LIPK: variants seen among roughly 807,000 people sequenced by gnomAD.
The protein encoded by LIPK is lipase member K.
LIPK carries 32 observed loss-of-function variants against 48.6 expected under a neutral mutation model. That is an observed-to-expected ratio of 0.66 (90% CI 0.50 to 0.88). The LOEUF (loss-of-function observed/expected upper bound fraction) is 0.88. Among genes scored for constraint, LIPK ranks in the 40% least tolerant of loss-of-function variants. LIPK has a pLI of 0.00. For missense variants in LIPK, 507 were observed against 478.5 expected (o/e 1.06, Z -0.56); for synonymous variants, 164 against 157.4 (o/e 1.04, Z -0.32).
intron 3 of LIPK, among the ~76,000 whole-genome samples, chr10:88,730,414 C>G (rs1046740047): frequency 1.3e-5 from 2 of 152,036 alleles, no homozygotes; most frequent in Admixed American, 1.3e-4. Context: ...CTCAGCCTCC[C>G]GAGTAGCTGG....
At chr10:88,750,569 T>C (rs1842846714) in intron 9 of LIPK, among the ~76,000 whole-genome samples, 1 of 152,140 alleles carries the variant, frequency 6.6e-6, no homozygotes, top group African/African-American at 2.4e-5. Flanking sequence ...AAATATCACA[T>C]GCTCTCACTT....
intron 9 of LIPK, among the ~76,000 whole-genome samples, chr10:88,748,369 C>T (rs949143728): frequency 1.3e-5 from 2 of 152,134 alleles, no homozygotes; most frequent in East Asian, 3.8e-4. Flanking sequence ...ACATTGTGCA[C>T]ATGTATCCTG....
intron 1 of LIPK, among the ~76,000 whole-genome samples, chr10:88,711,549 T>C (rs887337214): frequency 6.6e-6 from 1 of 152,212 alleles, no homozygotes; most frequent in Non-Finnish European, 1.5e-5. Context: ...CTCGGCTCAC[T>C]GCAACCTCCA....
chr10:88,724,473 C>A, intron 1 of LIPK, 60 bp from the exon 2 acceptor site: 4 of 1,027,904 alleles, frequency 3.9e-6, no homozygotes, highest in Admixed American at 2.3e-5. Flanking sequence ...AAAGATTACA[C>A]CAAATTTCAC....
At chr10:88,720,788 T>C (rs1842209722) in intron 1 of LIPK, among the ~76,000 whole-genome samples, 1 of 151,938 alleles carries the variant, frequency 6.6e-6, no homozygotes, top group South Asian at 2.1e-4. Context: ...ACATATATAG[T>C]TGAACATATA....
At chr10:88,743,210 T>C (rs1842710216) in intron 8 of LIPK, 40 bp from the exon 9 acceptor site, 3 of 1,378,526 alleles carry the variant, frequency 2.2e-6, no homozygotes, top group Non-Finnish European at 3.0e-6. Flanking sequence ...AAATGTACAC[T>C]ATTTTCTTAT....
In LIPK at chr10:88,721,935, G is replaced by A. The variant is rs79195380; in HGVS notation, c.-11-2598G>A. On this transcript the variant is annotated intron_variant, in intron 1 of 9. Transcript: ENST00000404190. ...TACTCTCAGTGAGGAATGATGAAGT[G>A]GAATAAAATCAAACCAGTGAAGCAA... 1.5e-3 allele frequency among the ~76,000 whole-genome samples: 236 copies of A among 152,300 alleles called. 4 individuals carry two copies. The highest frequency in any genetic ancestry group is 5.0e-3 in the African/African-American group (208 of 41,558).
chr10:88,742,076 T>C (rs386101), intron 8 of LIPK, among the ~76,000 whole-genome samples: 33,436 of 152,026 alleles, frequency 0.22, 3,852 homozygotes, highest in East Asian at 0.37. Context: ...GAGCACAAAG[T>C]GGGAAGTGCC....
chr10:88,730,328 C>T lies in LIPK; in HGVS notation c.224-655C>T, dbSNP rs546465870. On this transcript the variant is annotated intron_variant, in intron 3 of 9. Coordinates refer to ENST00000404190, the MANE Select transcript of LIPK (RefSeq NM_001080518.2). ...GTTTTGAGACGGAGTCTTGCTCTGT[C>T]GCCCAGGCTGGAGTGCAGTGTGGCG... Among the ~76,000 whole-genome samples, 3 of 152,158 alleles carry T rather than the reference C, an allele frequency of 2.0e-5. No individual in the cohort carries two copies. In the South Asian group the frequency reaches 6.2e-4, roughly 32 times the overall value.
rs371740523 is a variant in LIPK at position 88,752,562 on chromosome 10, G to A, written c.1006G>A (p.Ala336Thr). ...CATTACTAAGATGGAAGTTCCAACA[G>A]CAATATGGAATGGTGGACAGGACAT... ...YNITKMEVPT[A>T]IWNGGQDIVA... Residue 336 changes from alanine (A) to threonine (T), a missense_variant, in exon 10 of 10, where the codon GCA becomes ACA. Transcript: ENST00000404190. 563 of 1,567,350 alleles carry A rather than the reference G, an allele frequency of 3.6e-4. 4 individuals are homozygous for A. In the South Asian group the frequency reaches 6.2e-3, roughly 17 times the overall value.
Position 88,732,131 on chromosome 10 carries a change from T to G in LIPK, c.423-47T>G, listed in dbSNP as rs563574504. 4.8e-4 allele frequency: 637 copies of G among 1,318,572 alleles called. 6 individuals are homozygous for G. The South Asian group carries it at 7.3e-3, about 15-fold the overall frequency. The allele number at this position is 1,318,572 out of a possible 1,614,324, so 81.7% of individuals were successfully genotyped here. Reference sequence around the variant, plus strand: ...TGAACGTGTTTAAATGTTCTAGGCCTAACAATGAGATGACTTTTCTAATTT... The same window carrying G: ...TGAACGTGTTTAAATGTTCTAGGCCGAACAATGAGATGACTTTTCTAATTT... On this transcript the variant is annotated intron_variant, in intron 4 of 9. Transcript: ENST00000404190.
chr10:88,751,462 C>T (rs961315359), intron 9 of LIPK, among the ~76,000 whole-genome samples: 6 of 152,040 alleles, frequency 3.9e-5, no homozygotes, highest in African/African-American at 9.7e-5. Flanking sequence ...CTGGCTCAAG[C>T]GATTCTCTTG....
chr10:88,725,762 C>G (rs1842325169), intron 2 of LIPK, among the ~76,000 whole-genome samples: 2 of 152,196 alleles, frequency 1.3e-5, no homozygotes, highest in Admixed American at 6.5e-5. Flanking sequence ...CCAGTAATCA[C>G]TAATTCCCCT....
At position 88,737,091 on chromosome 10, in the gene LIPK, G is replaced by T. The variant is rs533054470; in HGVS notation, c.670-544G>T. Among the ~76,000 whole-genome samples, 23 of 152,192 alleles carry T rather than the reference G, an allele frequency of 1.5e-4. No individual in the cohort carries two copies. In the East Asian group the frequency reaches 4.2e-3, roughly 28 times the overall value. On this transcript the variant is annotated intron_variant, in intron 6 of 9. Transcript: ENST00000404190. ...GCTTTTGTCATAGAATTCATTGAAG[G>T]ATTCTGGAAGGAATGGCTCAAGTCT...
At chr10:88,751,216 T>C (rs1842857705) in intron 9 of LIPK, among the ~76,000 whole-genome samples, 4 of 152,134 alleles carry the variant, frequency 2.6e-5, no homozygotes, top group African/African-American at 9.7e-5. Flanking sequence ...AAGGGAAATG[T>C]GTATTGTTAT....
At chr10:88,731,216 C>G in intron 4 of LIPK, 35 bp downstream of exon 4, 1 of 1,444,256 alleles carries the variant, frequency 6.9e-7, no homozygotes. Flanking sequence ...AAAATGTGTA[C>G]TTTCCTCATG....
At chr10:88,733,372 T>C (rs1232241546) in intron 6 of LIPK, among the ~76,000 whole-genome samples, 1 of 152,236 alleles carries the variant, frequency 6.6e-6, no homozygotes, top group East Asian at 1.9e-4. Context: ...ATAACTCCCA[T>C]GGTGGTGATT....
chr10:88,708,597 TGCACTTTATG>T (rs1841976114), intron 1 of LIPK, among the ~76,000 whole-genome samples: 1 of 152,086 alleles, frequency 6.6e-6, no homozygotes, highest in Admixed American at 6.6e-5. Flanking sequence ...ATTGCTAAGG[TGCACTTTATG>T]GCACATTGTA....
intron 1 of LIPK, among the ~76,000 whole-genome samples, chr10:88,711,535 C>T (rs1253005938): frequency 3.3e-5 from 5 of 152,138 alleles, no homozygotes; most frequent in African/African-American, 1.2e-4. Flanking sequence ...TGCAGTGGCA[C>T]AATCTCGGCT....
Sources: allele counts gnomAD v4.1 joint callset (sites outside exome capture counted in the v4.1 genomes callset), GRCh38; gene constraint gnomAD v4.1.1; transcripts MANE v1.5; gene names NCBI Gene and HGNC (gene_info 2026-07-23, HGNC 2026-07-21).